Variants in COPZ1 observed in about 807,000 individuals in gnomAD.
COPZ1 encodes coatomer subunit zeta-1.
In COPZ1, 4 loss-of-function variants were observed where a neutral mutation model predicts 31.7. The ratio of observed to expected loss-of-function variants is 0.13; its 90% confidence interval spans 0.06 to 0.29. The LOEUF (loss-of-function observed/expected upper bound fraction) is 0.29. Ranked by LOEUF, COPZ1 falls within the 10% of genes least tolerant of loss-of-function variation. COPZ1 has a pLI of 1.00. For synonymous variants in COPZ1, 74 were observed against 79.0 expected, an observed-to-expected ratio of 0.94 and a Z score of 0.33; for missense variants, 156 against 211.5, an observed-to-expected ratio of 0.74 and a Z score of 1.63.
intron 1 of COPZ1, among the ~76,000 whole-genome samples, chr12:54,326,961 C>CTTTTTTTTTTTTTTTTTTTTTT (rs60827109): frequency 2.3e-5 from 1 of 43,568 alleles, no homozygotes; most frequent in South Asian, 7.3e-4. Flanking sequence ...AACAAGTATT[C>CTTTTTTTTTTTTTTTTTTTTTT]TTTTTTTTTT....
intron 5 of COPZ1, among the ~76,000 whole-genome samples, chr12:54,345,756 G>A (rs530053780): frequency 6.6e-6 from 1 of 152,084 alleles, no homozygotes; most frequent in East Asian, 1.9e-4. Context: ...AGGAGATTGA[G>A]ACCATCCTGG....
chr12:54,344,093 A>T (rs1377558663), intron 4 of COPZ1, among the ~76,000 whole-genome samples: 1 of 152,244 alleles, frequency 6.6e-6, no homozygotes, highest in Admixed American at 6.5e-5. Flanking sequence ...ACACATGTAG[A>T]AAATGGCTCA....
chr12:54,325,304 T>C, intron 1 of COPZ1, 123 bp downstream of exon 1: 1 of 1,292,212 alleles, frequency 7.7e-7, no homozygotes, highest in Non-Finnish European at 1.1e-6. Flanking sequence ...AGCGTTCTGC[T>C]GACCTTTGGA....
At chr12:54,350,193 G>A (rs1423460098) in intron 8 of COPZ1, 5 of 689,632 alleles carry the variant, frequency 7.3e-6, no homozygotes, top group Admixed American at 4.2e-5. Flanking sequence ...CCTGCCCGCC[G>A]CCCCTTTTAA....
At chr12:54,336,361 G>A (rs1056372880) in intron 1 of COPZ1, among the ~76,000 whole-genome samples, 2 of 152,094 alleles carry the variant, frequency 1.3e-5, no homozygotes, top group South Asian at 4.2e-4. Flanking sequence ...TGGCTACAGT[G>A]AAACCCCATC....
In COPZ1 at chr12:54,342,228, G is replaced by A; in HGVS notation, c.110G>A (p.Ser37Asn). ...CAGTACTATGACGACACCTACCCCAGTGTCAAGGAGCAAAAGGCCTTTGAG... is the reference window on the plus strand; with the variant it reads ...CAGTACTATGACGACACCTACCCCAATGTCAAGGAGCAAAAGGCCTTTGAG... ...FAKYYDDTYP[S>N]VKEQKAFEKN... Residue 37 changes from serine to asparagine, a missense_variant, in exon 3 of 9, where the codon AGT (serine) becomes AAT (asparagine). Coordinates refer to ENST00000262061, the MANE Select transcript of COPZ1 (RefSeq NM_016057.3). 1.2e-6 allele frequency: 2 copies of A among 1,613,996 alleles called. No individual in the cohort carries two copies. Among genetic ancestry groups the A allele is most frequent in the East Asian group, 4.5e-5 (2 of 44,878 alleles).
chr12:54,328,153 A>G (rs1316446985), intron 1 of COPZ1, among the ~76,000 whole-genome samples: 1 of 150,828 alleles, frequency 6.6e-6, no homozygotes, highest in Non-Finnish European at 1.5e-5. Flanking sequence ...GCACGAGCCT[A>G]TAGTCCCAAC....
At chr12:54,340,482 A>T in intron 1 of COPZ1, 65 bp from the exon 2 acceptor site, 1 of 1,602,826 alleles carries the variant, frequency 6.2e-7, no homozygotes, top group Non-Finnish European at 8.5e-7. Flanking sequence ...GACTAGGGGA[A>T]GGTATCTGGT....
At chr12:54,332,188 G>GTCAC (rs1953769808) in intron 1 of COPZ1, among the ~76,000 whole-genome samples, 1 of 152,034 alleles carries the variant, frequency 6.6e-6, no homozygotes, top group Non-Finnish European at 1.5e-5. Context: ...CGGTCATGGT[G>GTCAC]TCACGCGCCT....
At chr12:54,333,547 G>A (rs1181748337) in intron 1 of COPZ1, among the ~76,000 whole-genome samples, 1 of 152,092 alleles carries the variant, frequency 6.6e-6, no homozygotes, top group Non-Finnish European at 1.5e-5. Context: ...CCCCATTATA[G>A]TACAAGTATT....
In COPZ1 at chr12:54,327,592, C is replaced by T. The variant is rs117100992; in HGVS notation, c.18+2411C>T. On this transcript the variant is annotated intron_variant, in intron 1 of 8. Transcript: ENST00000262061. ...GATTATAGGAGTGAGCCACCGTGCCCGGCAGCAAGTATTCTTAATCAAGAG... is the reference window on the plus strand; with the variant it reads ...GATTATAGGAGTGAGCCACCGTGCCTGGCAGCAAGTATTCTTAATCAAGAG... 3.1e-4 allele frequency among the ~76,000 whole-genome samples: 47 copies of T among 152,204 alleles called. No individual in the cohort carries two copies. In the East Asian group the frequency reaches 7.7e-3, roughly 25 times the overall value.
At chr12:54,331,035 T>G (rs575691772) in intron 1 of COPZ1, among the ~76,000 whole-genome samples, 1 of 152,294 alleles carries the variant, frequency 6.6e-6, no homozygotes, top group African/African-American at 2.4e-5. Flanking sequence ...CTCCTGGCCT[T>G]ACATTCCCTA....
intron 1 of COPZ1, among the ~76,000 whole-genome samples, chr12:54,331,284 G>A (rs777531509): frequency 1.4e-5 from 2 of 148,110 alleles, no homozygotes; most frequent in South Asian, 2.2e-4. Flanking sequence ...AGGTTCAAGC[G>A]ATTCTCCTTC....
intron 5 of COPZ1, chr12:54,346,648 G>A (rs763039937): frequency 2.3e-5 from 16 of 701,756 alleles, no homozygotes; most frequent in South Asian, 2.2e-4. Flanking sequence ...TGCATGAGTC[G>A]AGTTCAAGAC....
chr12:54,336,969 C>T (rs1320685818), intron 1 of COPZ1, among the ~76,000 whole-genome samples: 1 of 129,522 alleles, frequency 7.7e-6, no homozygotes, highest in Non-Finnish European at 1.5e-5. Context: ...TTGTAGTGAG[C>T]GGAGTTTGCT....
At chr12:54,348,927 C>T (rs1170699015) in intron 7 of COPZ1, among the ~76,000 whole-genome samples, 1 of 151,980 alleles carries the variant, frequency 6.6e-6, no homozygotes, top group African/African-American at 2.4e-5. Context: ...GCAGAGAGAG[C>T]CCACCAACAA....
chr12:54,330,332 T>C (rs959392942), intron 1 of COPZ1, among the ~76,000 whole-genome samples: 1 of 152,196 alleles, frequency 6.6e-6, no homozygotes, highest in African/African-American at 2.4e-5. Context: ...GGCCAGCTTG[T>C]TTTAATGGTT....
intron 1 of COPZ1, among the ~76,000 whole-genome samples, chr12:54,330,460 T>TTA (rs1953731119): frequency 6.6e-6 from 1 of 152,112 alleles, no homozygotes; most frequent in Non-Finnish European, 1.5e-5. Flanking sequence ...TCCGACGTAT[T>TTA]TATATATATT....
intron 1 of COPZ1, 95 bp downstream of exon 1, chr12:54,325,276 G>A (rs951873843): frequency 3.4e-6 from 5 of 1,450,934 alleles, no homozygotes; most frequent in African/African-American, 1.4e-5. Context: ...GAGAGTTCCG[G>A]GTAATTCTTG....
Sources: allele counts gnomAD v4.1 joint callset (sites outside exome capture counted in the v4.1 genomes callset), GRCh38; gene constraint gnomAD v4.1.1; transcripts MANE v1.5; gene names NCBI Gene and HGNC (gene_info 2026-07-23, HGNC 2026-07-21).